Variants in PTPRN2 observed in about 807,000 individuals in gnomAD.
PTPRN2 encodes the protein protein tyrosine phosphatase receptor type N2, also known as receptor-type tyrosine-protein phosphatase N2.
Under a neutral mutation model 118.8 loss-of-function variants are expected in PTPRN2, and 74 were observed. That is an observed-to-expected ratio of 0.62 (90% CI 0.52 to 0.76). PTPRN2 has a LOEUF of 0.76. Among genes scored for constraint, PTPRN2 ranks in the 30% least tolerant of loss-of-function variants. The probability of loss-of-function intolerance (pLI) is 0.00; values close to 1 mark genes in which losing one functional copy is unlikely to be tolerated. For synonymous variants in PTPRN2, 641 were observed against 608.0 expected (o/e 1.05, Z -0.80); for missense variants, 1,481 against 1,394.4 (o/e 1.06, Z -0.99).
chr7:157,986,955 G>C lies in PTPRN2; in HGVS notation c.1724-88218C>G, dbSNP rs377313187. On this transcript the variant is annotated intron_variant, in intron 11 of 22. Coordinates refer to ENST00000389418, the MANE Select transcript of PTPRN2 (RefSeq NM_002847.5). The surrounding 1 kb of genome is among the most constrained non-coding windows in gnomAD (Gnocchi z 4.5). The stretch of plus-strand genomic sequence containing the variant: ...GGTATCAGCTATAGCCGCAGTGAGA[G>C]GGAGGCTGCTGGACACGCTGGGGTT... Among the ~76,000 whole-genome samples, 1 of 152,160 alleles carries C rather than the reference G, an allele frequency of 6.6e-6. No homozygotes were observed. Among genetic ancestry groups the C allele is most frequent in the East Asian group, 1.9e-4 (1 of 5,172 alleles).
chr7:158,346,038 C>T (rs1807487164), intron 2 of PTPRN2, among the ~76,000 whole-genome samples: 1 of 152,152 alleles, frequency 6.6e-6, no homozygotes, highest in Admixed American at 6.5e-5. Flanking sequence ...TGGGTGGGGA[C>T]ACAGAGCCAA....
intron 12 of PTPRN2, among the ~76,000 whole-genome samples, chr7:157,885,313 C>A (rs1427478529): frequency 6.6e-6 from 1 of 152,182 alleles, no homozygotes; most frequent in Non-Finnish European, 1.5e-5. Flanking sequence ...CAGCACGTTC[C>A]TCCACTCCAC....
intron 11 of PTPRN2, among the ~76,000 whole-genome samples, chr7:158,054,341 G>C (rs145129713): frequency 1.1e-4 from 16 of 152,318 alleles, no homozygotes; most frequent in African/African-American, 3.4e-4. Context: ...GTGGGACAGG[G>C]TTGGGGACAG....
chr7:157,790,039 G>GTGTGTGGTGTT (rs1275409445), intron 12 of PTPRN2, among the ~76,000 whole-genome samples: 9 of 141,616 alleles, frequency 6.4e-5, no homozygotes, highest in Admixed American at 5.6e-4. Context: ...TGGTGGGGGT[G>GTGTGTGGTGTT]TGTGTGGTGT....
rs149692443 is a variant in PTPRN2 at position 157,628,822 on chromosome 7, C to A, written c.2197-7313G>T. On this transcript the variant is annotated intron_variant, in intron 14 of 22. Transcript: ENST00000389418. ...CCTCCCACGCTCTGTGGCTGCACTG[C>A]GGTTCTGGGGAGACTCTTATCCTCT... 5.9e-5 allele frequency among the ~76,000 whole-genome samples: 9 copies of A among 152,282 alleles called. No individual in the cohort carries two copies. In the East Asian group the frequency reaches 1.5e-3, roughly 26 times the overall value.
intron 1 of PTPRN2, among the ~76,000 whole-genome samples, chr7:158,586,768 G>A (rs1828949173): frequency 6.6e-6 from 1 of 152,224 alleles, no homozygotes; most frequent in Admixed American, 6.5e-5. Flanking sequence ...GGGGGTGCGG[G>A]GGACGCAGGT....
intron 11 of PTPRN2, among the ~76,000 whole-genome samples, chr7:158,071,259 CCCG>C (rs1168081110): frequency 2.1e-5 from 1 of 47,224 alleles, no homozygotes; most frequent in African/African-American, 5.3e-5. Flanking sequence ...TATGGAGGTG[CCCG>C]TGGTGGTGGA....
At chr7:158,085,093 CCCA>C (rs1391524782) in intron 10 of PTPRN2, among the ~76,000 whole-genome samples, 52 of 140,888 alleles carry the variant, frequency 3.7e-4, no homozygotes, top group Non-Finnish European at 6.9e-4. Flanking sequence ...CCCATCCACA[CCCA>C]CCACACCCAT....
At chr7:157,842,355 A>T (rs1218378915) in intron 12 of PTPRN2, among the ~76,000 whole-genome samples, 1 of 148,902 alleles carries the variant, frequency 6.7e-6, no homozygotes, top group Non-Finnish European at 1.5e-5. Context: ...GGAGATTTAA[A>T]GTGCAAATGG....
At chr7:157,931,329 G>C (rs1478321685) in intron 11 of PTPRN2, among the ~76,000 whole-genome samples, 1 of 152,236 alleles carries the variant, frequency 6.6e-6, no homozygotes, top group East Asian at 1.9e-4. Context: ...TTGGGGTAGG[G>C]GTGAGGGCCC....
chr7:158,283,326 C>G (rs1265513579), intron 3 of PTPRN2, among the ~76,000 whole-genome samples: 1 of 152,188 alleles, frequency 6.6e-6, no homozygotes, highest in Non-Finnish European at 1.5e-5. Flanking sequence ...GGAGAGGGAG[C>G]AGTGACCGAG....
intron 6 of PTPRN2, among the ~76,000 whole-genome samples, chr7:158,161,405 C>G (rs551119217): frequency 1.1e-4 from 17 of 152,278 alleles, no homozygotes; most frequent in African/African-American, 3.4e-4. Flanking sequence ...ATCAATGAAA[C>G]AGAACAGAGA....
intron 12 of PTPRN2, among the ~76,000 whole-genome samples, chr7:157,878,365 C>T (rs1452483269): frequency 2.7e-5 from 4 of 149,190 alleles, no homozygotes. Context: ...CATGCACCCA[C>T]ACTTACTCAC....
chr7:158,092,243 T>C (rs1814246493), intron 10 of PTPRN2, among the ~76,000 whole-genome samples: 3 of 149,962 alleles, frequency 2.0e-5, no homozygotes, highest in South Asian at 2.1e-4. Flanking sequence ...TATATATGCA[T>C]ACATATATAC....
chr7:158,153,909 G>A (rs772837013), intron 6 of PTPRN2, among the ~76,000 whole-genome samples: 79 of 152,156 alleles, frequency 5.2e-4, no homozygotes, highest in Non-Finnish European at 9.9e-4. Context: ...CGCTCGGAAG[G>A]CAGGTACAGC....
At chr7:157,952,824 ACTTG>A (rs1800919618) in intron 11 of PTPRN2, among the ~76,000 whole-genome samples, 1 of 152,012 alleles carries the variant, frequency 6.6e-6, no homozygotes, top group South Asian at 2.1e-4. Context: ...CTCTGAACAC[ACTTG>A]CTTGCTTTCA....
At chr7:158,463,782 A>T (rs552048033) in intron 2 of PTPRN2, among the ~76,000 whole-genome samples, 11 of 149,592 alleles carry the variant, frequency 7.4e-5, no homozygotes, top group African/African-American at 2.7e-4. Context: ...TACCATCGCC[A>T]TCATTGCCAT....
Position 158,166,945 on chromosome 7 carries a change from G to C in PTPRN2, c.896C>G (p.Ser299Cys). ...PSPLGDSEDP[S>C]STGDGARIHT... ...GGCTGGCTCACCATCGCCTGTGCTG[G>C]AGGGGTCTTCGGAATCTCCCAGAGG... is the stretch of plus-strand genomic sequence containing the variant. Residue 299 changes from serine (S) to cysteine (C), a missense_variant, in exon 6 of 23, where the codon TCC (serine) becomes TGC (cysteine). Ser to Cys is a moderately radical substitution (Grantham distance 112). Transcript: ENST00000389418. 1 of 1,444,626 alleles carries C rather than the reference G, an allele frequency of 6.9e-7. No individual in the cohort carries two copies. The highest frequency in any genetic ancestry group is 9.1e-7 in the Non-Finnish European group (1 of 1,094,302). 89.5% of individuals were successfully genotyped at this position (1,444,626 alleles called of 1,614,324 possible).
intron 2 of PTPRN2, among the ~76,000 whole-genome samples, chr7:158,340,581 C>T (rs1181766684): frequency 1.7e-5 from 2 of 117,994 alleles, no homozygotes; most frequent in African/African-American, 3.1e-5. Flanking sequence ...ACCATAAGAG[C>T]CGACGCCCGC....
Sources: gnomAD v4.1 joint callset for allele counts (sites outside exome capture counted in the v4.1 genomes callset) on GRCh38, gnomAD v4.1.1 for gene constraint, Gnocchi (gnomAD v3.1) non-coding constraint, MANE v1.5 for transcripts, NCBI Gene and HGNC (gene_info 2026-07-23, HGNC 2026-07-21) for gene names.